The following ROBO2 variants were observed in gnomAD, a reference collection of about 807,000 sequenced individuals.
ROBO2 encodes roundabout homolog 2.
ROBO2 carries 53 observed loss-of-function variants against 160.8 expected under a neutral mutation model. That is an observed-to-expected ratio of 0.33 (90% CI 0.26 to 0.41). The LOEUF (loss-of-function observed/expected upper bound fraction) is 0.41. ROBO2 is among the 10% of genes least tolerant of loss of function. ROBO2 has a pLI of 1.00. For missense variants in ROBO2, 1,577 were observed against 1,722.4 expected (o/e 0.92, Z 1.49); for synonymous variants, 664 against 611.7 (o/e 1.09, Z -1.26).
intron 2 of ROBO2, among the ~76,000 whole-genome samples, chr3:76,366,006 G>T (rs75799210): frequency 0.012 from 1,753 of 151,982 alleles, 37 homozygotes; most frequent in African/African-American, 0.04. Flanking sequence ...CCTCTCCCTT[G>T]GTTCATCTGT....
intron 2 of ROBO2, among the ~76,000 whole-genome samples, chr3:76,159,411 G>T (rs566996290): frequency 8.5e-5 from 13 of 152,076 alleles, no homozygotes; most frequent in South Asian, 8.3e-4. Flanking sequence ...TAGATTTTTT[G>T]GAACAAAATT....
chr3:77,030,155 A>G (rs1028490321), intron 2 of ROBO2, among the ~76,000 whole-genome samples: 1 of 149,676 alleles, frequency 6.7e-6, no homozygotes, highest in Non-Finnish European at 1.5e-5. Context: ...CGTGTTAGCC[A>G]GGATTGTCTC....
chr3:76,613,932 T>C (rs2109117867), intron 2 of ROBO2, among the ~76,000 whole-genome samples: 1 of 152,246 alleles, frequency 6.6e-6, no homozygotes, highest in Non-Finnish European at 1.5e-5. Context: ...ATTGGTTTAT[T>C]TCCAGTACCC....
intron 2 of ROBO2, among the ~76,000 whole-genome samples, chr3:77,399,786 T>TA (rs1208412193): frequency 3.9e-5 from 6 of 152,126 alleles, no homozygotes; most frequent in Admixed American, 3.9e-4. Context: ...CTCTATCTTT[T>TA]AAAAACATTT....
At position 76,654,905 on chromosome 3, in the gene ROBO2, A is replaced by ATG. The variant is rs200063198; in HGVS notation, c.110-443101_110-443100dup. 2.3e-3 allele frequency among the ~76,000 whole-genome samples: 298 copies of ATG among 128,244 alleles called. 2 individuals are homozygous for ATG. Among genetic ancestry groups the ATG allele is most frequent in the South Asian group, 0.012 (44 of 3,558 alleles). The allele number at this position is 128,244 out of a possible 152,430, so 84.1% of individuals were successfully genotyped here. A position where few individuals can be genotyped will look rare whatever the true frequency, so the allele number is the denominator to read the frequency against. On this transcript the variant is annotated intron_variant, in intron 2 of 26. Transcript: ENST00000487694. Reference sequence around the variant, plus strand: ...TATATACATATGCATGTGTGTACATATGTGTGTGTATATATATATATATTT... The same window carrying ATG: ...TATATACATATGCATGTGTGTACATATGTGTGTGTGTATATATATATATATTT...
intron 2 of ROBO2, among the ~76,000 whole-genome samples, chr3:76,834,729 TG>T (rs1400131372): frequency 6.6e-6 from 1 of 152,152 alleles, no homozygotes; most frequent in African/African-American, 2.4e-5. Context: ...CTCTAACCCC[TG>T]GCCTCAAATG....
At chr3:76,647,896 A>G (rs1475949404) in intron 2 of ROBO2, among the ~76,000 whole-genome samples, 1 of 152,152 alleles carries the variant, frequency 6.6e-6, no homozygotes, top group African/African-American at 2.4e-5. Flanking sequence ...TTTCAGAATG[A>G]GATTGTGGAT....
intron 2 of ROBO2, among the ~76,000 whole-genome samples, chr3:76,809,777 A>G (rs1305841627): frequency 1.3e-5 from 2 of 152,098 alleles, no homozygotes; most frequent in African/African-American, 4.8e-5. Context: ...ATTACCTTAT[A>G]TCATTTTTTG....
At chr3:76,555,352 G>GAAGAA (rs1560140349) in intron 2 of ROBO2, among the ~76,000 whole-genome samples, 17 of 35,840 alleles carry the variant, frequency 4.7e-4, no homozygotes, top group African/African-American at 1.1e-3. Flanking sequence ...AGGAAGAGTA[G>GAAGAA]GAAGAGAGAA....
intron 2 of ROBO2, among the ~76,000 whole-genome samples, chr3:77,410,743 T>C (rs201482012): frequency 0.15 from 4,324 of 28,752 alleles, 8 homozygotes; most frequent in Middle Eastern, 0.23. Flanking sequence ...TCCTCCTCCT[T>C]TTCCTCCTCC....
intron 2 of ROBO2, among the ~76,000 whole-genome samples, chr3:76,399,914 C>T (rs542584572): frequency 1.3e-5 from 2 of 151,708 alleles, no homozygotes; most frequent in East Asian, 1.9e-4. Context: ...GAAAAATATC[C>T]GGCAAACTTT....
At chr3:76,979,593 GGTGT>G (rs149940820) in intron 2 of ROBO2, among the ~76,000 whole-genome samples, 5 of 147,720 alleles carry the variant, frequency 3.4e-5, no homozygotes, top group Admixed American at 1.4e-4. Flanking sequence ...GTGTGTGTGT[GGTGT>G]GTGTGTGTGT....
rs575622614 is a variant in ROBO2 at position 76,576,606 on chromosome 3, GTTTA to G, written c.110-521404_110-521401del. 2.0e-3 allele frequency among the ~76,000 whole-genome samples: 305 copies of G among 148,964 alleles called. 1 individual carries two copies. The highest frequency in any genetic ancestry group is 6.8e-3 in the African/African-American group (276 of 40,658). On this transcript the variant is annotated intron_variant, in intron 2 of 26. Coordinates refer to the ROBO2 transcript ENST00000487694. The stretch of plus-strand genomic sequence containing the variant: ...TTCCAAAAGCAGATTGAGAATATAT[GTTTA>G]TTTTTAAAATCTCATTTTTTAAAAA...
chr3:77,245,614 G>A (rs1241885365), intron 2 of ROBO2, among the ~76,000 whole-genome samples: 2 of 152,146 alleles, frequency 1.3e-5, no homozygotes, highest in African/African-American at 4.8e-5. Flanking sequence ...CTCTCCAAAG[G>A]ATGAAGCTGT....
chr3:76,505,889 T>G (rs571304736), intron 2 of ROBO2, among the ~76,000 whole-genome samples: 30 of 152,272 alleles, frequency 2.0e-4, no homozygotes, highest in African/African-American at 7.0e-4. Context: ...TTTTTTTCAG[T>G]CCAGTGAAAG....
chr3:77,604,726 G>T (rs1466609522), intron 20 of ROBO2, among the ~76,000 whole-genome samples: 1 of 151,824 alleles, frequency 6.6e-6, no homozygotes, highest in African/African-American at 2.4e-5. Flanking sequence ...ATAATCATAG[G>T]TATCTTTCCT....
chr3:77,290,909 C>A (rs1421708911), intron 2 of ROBO2, among the ~76,000 whole-genome samples: 2 of 88,288 alleles, frequency 2.3e-5, no homozygotes, highest in East Asian at 8.3e-4. Flanking sequence ...GGCTAGATCA[C>A]CCCAGACATA....
chr3:77,067,112 T>C (rs1294854113), intron 1 of ROBO2, among the ~76,000 whole-genome samples: 1 of 151,886 alleles, frequency 6.6e-6, no homozygotes, highest in Non-Finnish European at 1.5e-5. Context: ...CATAGCACTT[T>C]TTCCAAAGAT....
chr3:77,263,059 C>T (rs1368092728), intron 2 of ROBO2, among the ~76,000 whole-genome samples: 2 of 151,912 alleles, frequency 1.3e-5, no homozygotes, highest in Non-Finnish European at 2.9e-5. Context: ...CTGTTTTCTA[C>T]GTTGTAGTGA....
Sources: gnomAD v4.1 joint callset for allele counts (sites outside exome capture counted in the v4.1 genomes callset) on GRCh38, gnomAD v4.1.1 for gene constraint, MANE v1.5 for transcripts, NCBI Gene and HGNC (gene_info 2026-07-23, HGNC 2026-07-21) for gene names.